AGBL4: variants seen among roughly 807,000 people sequenced by gnomAD.
AGBL4 encodes the protein AGBL carboxypeptidase 4.
A neutral mutation model predicts 66.4 loss-of-function variants in AGBL4; 58 were observed. The observed-to-expected ratio is 0.87, with a 90% CI of 0.71 to 1.09. The LOEUF (loss-of-function observed/expected upper bound fraction) is 1.09, where lower values mean the gene tolerates loss of function less well. AGBL4 is among the 50% of genes least tolerant of loss of function. The pLI is 0.00. For missense variants in AGBL4, 579 were observed against 631.0 expected (o/e 0.92, Z 0.88); for synonymous variants, 234 against 222.9 (o/e 1.05, Z -0.44).
chr1:49,613,571 A>T (rs965804718), intron 3 of AGBL4, among the ~76,000 whole-genome samples: 8 of 152,170 alleles, frequency 5.3e-5, no homozygotes, highest in Non-Finnish European at 1.2e-4. Flanking sequence ...TCATAGGAGT[A>T]CAAACCCTAT....
intron 3 of AGBL4, among the ~76,000 whole-genome samples, chr1:49,631,106 A>T (rs1228799296): frequency 2.6e-5 from 4 of 152,152 alleles, no homozygotes; most frequent in African/African-American, 7.2e-5. Flanking sequence ...GCATGTTCAG[A>T]GGGATCTGCA....
intron 8 of AGBL4, among the ~76,000 whole-genome samples, chr1:48,647,226 C>T (rs1645852062): frequency 6.6e-6 from 1 of 152,180 alleles, no homozygotes; most frequent in African/African-American, 2.4e-5. Flanking sequence ...ATTTCTGTAC[C>T]ACCCATAGAG....
chr1:49,804,464 T>C lies in AGBL4; in HGVS notation c.157+46932A>G, dbSNP rs1051655509. Among the ~76,000 whole-genome samples, 4 of 152,206 alleles carry C rather than the reference T, an allele frequency of 2.6e-5. No homozygotes were observed. In the East Asian group the frequency reaches 7.7e-4, roughly 29 times the overall value. On this transcript the variant is annotated intron_variant, in intron 2 of 13. Transcript: ENST00000371839. ...AAGGGCAATGAGTACATTAAAATTA[T>C]TTACTTAAGAGTATTCAACATTTAT...
At chr1:48,617,781 T>C (rs1645344078) in intron 9 of AGBL4, among the ~76,000 whole-genome samples, 3 of 152,194 alleles carry the variant, frequency 2.0e-5, no homozygotes, top group Admixed American at 2.0e-4. Flanking sequence ...TTGAGTACCC[T>C]CTGCTTCTCT....
At chr1:48,998,615 C>G (rs1661184316) in intron 5 of AGBL4, among the ~76,000 whole-genome samples, 1 of 152,170 alleles carries the variant, frequency 6.6e-6, no homozygotes, top group Non-Finnish European at 1.5e-5. Flanking sequence ...CTCTTTCAAT[C>G]ATCTAGAACC....
At chr1:48,807,031 G>A (rs992591802) in intron 6 of AGBL4, among the ~76,000 whole-genome samples, 4 of 152,140 alleles carry the variant, frequency 2.6e-5, no homozygotes, top group Admixed American at 1.3e-4. Context: ...GTTAGTATAC[G>A]TAAGTTCTTC....
At chr1:48,764,816 T>C (rs1445404978) in intron 6 of AGBL4, among the ~76,000 whole-genome samples, 4 of 152,142 alleles carry the variant, frequency 2.6e-5, no homozygotes, top group Admixed American at 6.5e-5. Flanking sequence ...TTGAAAACAA[T>C]AGAGCCCCGT....
chr1:49,653,166 C>T lies in AGBL4; in HGVS notation c.282+44147G>A, dbSNP rs115819476. On this transcript the variant is annotated intron_variant, in intron 3 of 13. Transcript: ENST00000371839. ...CCTCCACTGGTGATAACTCCAGGGG[C>T]AGGAGGGACCCAAGTGAATAGGGTC... 9.6e-3 allele frequency among the ~76,000 whole-genome samples: 1,462 copies of T among 152,120 alleles called. 14 individuals carry two copies. The highest frequency in any genetic ancestry group is 0.012 in the Non-Finnish European group (804 of 67,976).
intron 1 of AGBL4, among the ~76,000 whole-genome samples, chr1:49,948,131 A>T (rs374935614): frequency 9.8e-6 from 1 of 102,216 alleles, no homozygotes; most frequent in Non-Finnish European, 1.7e-5. Context: ...AATATATATA[A>T]ATATATGTAA....
In AGBL4 at chr1:49,382,290, C is replaced by T. The variant is rs539272711; in HGVS notation, c.283-136426G>A. 3.3e-4 allele frequency among the ~76,000 whole-genome samples: 51 copies of T among 152,240 alleles called. 1 individual carries two copies. In the East Asian group the frequency reaches 9.9e-3, roughly 29 times the overall value. ...CATCAAGATTTGAGCCCAAGCATTT[C>T]ATTGTTTACCAAATGCACATTATAA... On this transcript the variant is annotated intron_variant, in intron 3 of 13. Transcript: ENST00000371839.
chr1:48,640,404 G>A (rs1645735646), intron 8 of AGBL4, among the ~76,000 whole-genome samples: 1 of 152,088 alleles, frequency 6.6e-6, no homozygotes, highest in African/African-American at 2.4e-5. Flanking sequence ...TATATTTATT[G>A]GATGAATGAA....
intron 2 of AGBL4, among the ~76,000 whole-genome samples, chr1:49,712,687 G>GA (rs1647765691): frequency 6.6e-6 from 1 of 151,800 alleles, no homozygotes; most frequent in Admixed American, 6.6e-5. Flanking sequence ...GTATGTATAT[G>GA]AAAAAAGAAA....
At chr1:49,404,642 C>A (rs1351611893) in intron 3 of AGBL4, among the ~76,000 whole-genome samples, 1 of 152,106 alleles carries the variant, frequency 6.6e-6, no homozygotes, top group African/African-American at 2.4e-5. Context: ...CCAAAGTCTA[C>A]CACAATTTTG....
intron 3 of AGBL4, among the ~76,000 whole-genome samples, chr1:49,533,744 G>C (rs963862343): frequency 2.6e-5 from 4 of 151,948 alleles, no homozygotes; most frequent in Non-Finnish European, 4.4e-5. Context: ...TGATTCTTGA[G>C]CCCATATTTG....
intron 3 of AGBL4, among the ~76,000 whole-genome samples, chr1:49,569,773 TC>T (rs1251060635): frequency 6.6e-6 from 1 of 152,074 alleles, no homozygotes; most frequent in Non-Finnish European, 1.5e-5. Context: ...TGTCTATCAT[TC>T]CACTCTCTAT....
chr1:49,902,745 T>C (rs1649890510), intron 1 of AGBL4, among the ~76,000 whole-genome samples: 1 of 151,948 alleles, frequency 6.6e-6, no homozygotes, highest in African/African-American at 2.4e-5. Flanking sequence ...AGACTCTGTC[T>C]CAAAAAACAA....
At chr1:49,565,569 G>A (rs1644174407) in intron 3 of AGBL4, among the ~76,000 whole-genome samples, 1 of 152,148 alleles carries the variant, frequency 6.6e-6, no homozygotes, top group Non-Finnish European at 1.5e-5. Flanking sequence ...ATGAAGCTTA[G>A]TTTGGCTGGA....
At chr1:49,130,774 T>A (rs1449378851) in intron 4 of AGBL4, among the ~76,000 whole-genome samples, 1 of 152,120 alleles carries the variant, frequency 6.6e-6, no homozygotes, top group African/African-American at 2.4e-5. Flanking sequence ...TTCTTTTGGC[T>A]TAGGATTGAC....
chr1:49,118,389 C>T (rs1311563478), intron 4 of AGBL4, among the ~76,000 whole-genome samples: 1 of 152,160 alleles, frequency 6.6e-6, no homozygotes, highest in African/African-American at 2.4e-5. Context: ...GAGATACATT[C>T]CATCAATATG....
Sources: gnomAD v4.1 joint callset for allele counts (sites outside exome capture counted in the v4.1 genomes callset) on GRCh38, gnomAD v4.1.1 for gene constraint, MANE v1.5 for transcripts, NCBI Gene and HGNC (gene_info 2026-07-23, HGNC 2026-07-21) for gene names.